Variants in ASPM observed in about 807,000 individuals in gnomAD.
The protein encoded by ASPM is assembly factor for spindle microtubules, also known as abnormal spindle-like microcephaly-associated protein.
A neutral mutation model predicts 366.4 loss-of-function variants in ASPM; 256 were observed. That is an observed-to-expected ratio of 0.70 (90% CI 0.63 to 0.77). ASPM has a LOEUF of 0.77. Ranked by LOEUF, ASPM falls within the 30% of genes least tolerant of loss-of-function variation. The probability of loss-of-function intolerance (pLI) is 0.00; values close to 1 mark genes in which losing one functional copy is unlikely to be tolerated. For synonymous variants in ASPM, 1,414 were observed against 1,342.9 expected, an observed-to-expected ratio of 1.05 and a Z score of -1.16; for missense variants, 4,146 against 4,090.4, an observed-to-expected ratio of 1.01 and a Z score of -0.37.
At chr1:197,125,300 T>C in intron 10 of ASPM, 109 bp from the exon 11 acceptor site, 1 of 1,344,378 alleles carries the variant, frequency 7.4e-7, no homozygotes, top group South Asian at 1.2e-5. Flanking sequence ...TACAGGGCTT[T>C]ATGATCAGAA....
rs148964635 is a variant in ASPM, at chr1:197,117,894, G to A, written c.3960C>T (p.Leu1320=). The change falls in exon 17 of 28, where the codon CTC becomes CTT. Residue 1320 remains leucine, a synonymous_variant. Transcript: ENST00000367409. ...CTCTTCGCCAATATTTCTGAATGAC[G>A]AGTGCTGCATTAACTCTTTTTCTCA... The part of the protein sequence containing the change: ...QRLRKRVNAA[L]VIQKYWRRVL... 1.2e-4 allele frequency: 186 copies of A among 1,613,060 alleles called. 2 individuals carry two copies. The Middle Eastern group carries it at 4.0e-3, about 34-fold the overall frequency.
chr1:197,146,157 C>CG lies in ASPM; in HGVS notation c.280dup (p.Arg94ProfsTer8). On this transcript the variant is annotated frameshift_variant, in exon 1 of 28. Transcript: ENST00000367409. LOFTEE classifies it high-confidence loss of function. The stretch of plus-strand genomic sequence containing the variant: ...GAGACCTACCTGCAACACGAAACAG[C>CG]GCTGCGACACACTGAAGCCCAGGTC... The CG allele has an allele frequency of 6.2e-7, 1 of 1,614,066 alleles. No individual in the cohort carries two copies.
intron 3 of ASPM, among the ~76,000 whole-genome samples, chr1:197,140,776 T>C (rs1029711374): frequency 1.7e-4 from 26 of 152,184 alleles, no homozygotes; most frequent in African/African-American, 5.5e-4. Flanking sequence ...AAGCAGTTAT[T>C]ACAATGACCC....
chr1:197,092,329 T>A (rs534942755), intron 21 of ASPM, among the ~76,000 whole-genome samples: 1 of 151,838 alleles, frequency 6.6e-6, no homozygotes, highest in South Asian at 2.1e-4. Flanking sequence ...TCAACTAGAC[T>A]GCCCTATTAG....
At position 197,126,887 on chromosome 1, in the gene ASPM, C is replaced by A. The variant is rs536434291; in HGVS notation, c.2936+1603G>T. Among the ~76,000 whole-genome samples, 3 of 152,286 alleles carry A rather than the reference C, an allele frequency of 2.0e-5. No homozygotes were observed. In the South Asian group the frequency reaches 6.2e-4, roughly 32 times the overall value. ...AGCGGTCCTCTGACCTCTGCTTGAA[C>A]CTTCCAACACTGTGAACTGGTTGTT... On this transcript the variant is annotated intron_variant, in intron 10 of 27. Coordinates refer to ENST00000367409, the MANE Select transcript of ASPM (RefSeq NM_018136.5).
Position 197,123,421 on chromosome 1 carries a change from A to G in ASPM, c.3390+689T>C, listed in dbSNP as rs147455866. On this transcript the variant is annotated intron_variant, in intron 13 of 27. Coordinates refer to ENST00000367409, the MANE Select transcript of ASPM (RefSeq NM_018136.5). ...CTACTAATTTTGGCATTAAAAAGAA[A>G]TTTTAGCTAGTATGCAAATTCCAAA... is the stretch of plus-strand genomic sequence containing the variant. 5.9e-3 allele frequency among the ~76,000 whole-genome samples: 897 copies of G among 152,254 alleles called. 11 individuals carry two copies. Among genetic ancestry groups the G allele is most frequent in the African/African-American group, 0.021 (861 of 41,554 alleles).
At chr1:197,092,277 A>T (rs1656810605) in intron 21 of ASPM, among the ~76,000 whole-genome samples, 1 of 151,840 alleles carries the variant, frequency 6.6e-6, no homozygotes, top group South Asian at 2.1e-4. Flanking sequence ...AGAAAGCAAA[A>T]TTATATTTTG....
chr1:197,092,597 A>G (rs918301937), intron 21 of ASPM, among the ~76,000 whole-genome samples: 1 of 151,964 alleles, frequency 6.6e-6, no homozygotes, highest in Non-Finnish European at 1.5e-5. Flanking sequence ...TGTCTATGCC[A>G]GTACTTCACA....
At position 197,146,512 on chromosome 1, in the gene ASPM, T is replaced by TA. The variant is rs1658792594; in HGVS notation, c.-76dup. 8.5e-6 allele frequency: 13 copies of TA among 1,536,030 alleles called. No homozygotes were observed. Among genetic ancestry groups the TA allele is most frequent in the Non-Finnish European group, 1.2e-5 (13 of 1,130,118 alleles). On this transcript the variant is annotated 5_prime_UTR_variant, in exon 1 of 28. Coordinates refer to ENST00000367409, the MANE Select transcript of ASPM (RefSeq NM_018136.5). ...GGCTCCGGAGCGGGGATCCGGGACT[T>TA]ACGCTGACCGCTTCCCCTCAGGGGC...
intron 17 of ASPM, among the ~76,000 whole-genome samples, chr1:197,105,678 TA>T (rs36093454): frequency 0.011 from 1,621 of 152,108 alleles, 9 homozygotes; most frequent in Non-Finnish European, 0.017. Flanking sequence ...TAGGAATAAA[TA>T]AACCAGATCA....
rs761980255 is a variant in ASPM at position 197,132,278 on chromosome 1, T to A, written c.2487+7A>T. On this transcript the variant is annotated splice_region_variant and intron_variant, in intron 7 of 27. Transcript: ENST00000367409. The stretch of plus-strand genomic sequence containing the variant: ...TATTATTTTAGAAACCTGAAATATA[T>A]GCTTACCTCTAGACCAATTCGAAGC... 1.3e-6 allele frequency: 2 copies of A among 1,598,672 alleles called. No individual in the cohort carries two copies. The highest frequency in any genetic ancestry group is 1.7e-6 in the Non-Finnish European group (2 of 1,170,950).
chr1:197,100,385 A>C (rs1657112735), intron 18 of ASPM, 46 bp downstream of exon 18: 1 of 1,266,834 alleles, frequency 7.9e-7, no homozygotes, highest in South Asian at 1.6e-5. Context: ...AATATTGGTC[A>C]AAAGAAAGAC....
chr1:197,097,250 A>G (rs1656999865), intron 18 of ASPM, among the ~76,000 whole-genome samples: 1 of 151,760 alleles, frequency 6.6e-6, no homozygotes, highest in African/African-American at 2.4e-5. Flanking sequence ...TTGTTCCTTA[A>G]AAAGTAAGAA....
intron 17 of ASPM, among the ~76,000 whole-genome samples, chr1:197,110,704 T>C (rs897023144): frequency 1.3e-5 from 2 of 151,614 alleles, no homozygotes; most frequent in Admixed American, 6.6e-5. Context: ...AATGGACCAA[T>C]TGAATAGAAA....
In ASPM at chr1:197,090,104, C is replaced by T. The variant is rs749573245; in HGVS notation, c.9830-20G>A. ...CTACCTCTGAAAGAAAAAAAAAACACACACACACAGGTAAATTTACAGCAA... is the reference window on the plus strand; with the variant it reads ...CTACCTCTGAAAGAAAAAAAAAACATACACACACAGGTAAATTTACAGCAA... On this transcript the variant is annotated intron_variant, in intron 24 of 27. Transcript: ENST00000367409. 1 of 1,612,130 alleles carries T rather than the reference C, an allele frequency of 6.2e-7. No homozygotes were observed. The highest frequency in any genetic ancestry group is 1.1e-5 in the South Asian group (1 of 90,926).
chr1:197,138,042 T>C (rs1034246691), intron 4 of ASPM, among the ~76,000 whole-genome samples: 1 of 152,198 alleles, frequency 6.6e-6, no homozygotes, highest in African/African-American at 2.4e-5. Context: ...TTGTATAACA[T>C]AATATTTTAT....
In ASPM at chr1:197,146,472, C is replaced by T. The variant is rs576215916; in HGVS notation, c.-35G>A. On this transcript the variant is annotated 5_prime_UTR_variant, in exon 1 of 28. Coordinates refer to ENST00000367409, the MANE Select transcript of ASPM (RefSeq NM_018136.5). ...GAGACCCCTCCTGGATCTCCTTGCC[C>T]CGCTCCCACGAGGCGGCTCCGGAGC... The T allele has an allele frequency of 5.6e-6, 9 of 1,598,484 alleles. No individual in the cohort carries two copies. In the African/African-American group the frequency reaches 9.4e-5, roughly 17 times the overall value.
In ASPM at chr1:197,129,211, G is replaced by C. The variant is rs774638273; in HGVS notation, c.2736C>G (p.Leu912=). The change falls in exon 9 of 28, where the codon CTC becomes CTG. Residue 912 remains leucine (L), a synonymous_variant. Transcript: ENST00000367409. The part of the protein sequence containing the change: ...ISRLIDHDPC[L]FCKDAEFKAS... ...CCTTGAATTCGGCATCTTTACAGAA[G>C]AGACAAGGATCATGATCAATGAGTC... The C allele has an allele frequency of 1.2e-6, 2 of 1,612,378 alleles. No individual in the cohort carries two copies. Among genetic ancestry groups the C allele is most frequent in the African/African-American group, 2.7e-5 (2 of 74,868 alleles).
rs763090166 is a variant in ASPM, at chr1:197,102,769, T to A, written c.6482A>T (p.Glu2161Val). 6.2e-7 allele frequency: 1 copy of A among 1,612,488 alleles called. No individual in the cohort carries two copies. Among genetic ancestry groups the A allele is most frequent in the East Asian group, 2.2e-5 (1 of 44,830 alleles). ...RAYYQGKMQREKYLTILKAVK... is the reference protein window; with the variant it reads ...RAYYQGKMQRVKYLTILKAVK... Reference sequence around the variant, plus strand: ...AGCTTTCAAAATTGTCAGGTACTTTTCACGCTGCATTTTACCTTGATAATA... The same window carrying A: ...AGCTTTCAAAATTGTCAGGTACTTTACACGCTGCATTTTACCTTGATAATA... Residue 2161 changes from glutamate to valine, a missense_variant, in exon 18 of 28, where the codon GAA becomes GTA. Transcript: ENST00000367409.
Sources: gnomAD v4.1 joint callset for allele counts (sites outside exome capture counted in the v4.1 genomes callset) on GRCh38, gnomAD v4.1.1 for gene constraint, MANE v1.5 for transcripts, NCBI Gene and HGNC (gene_info 2026-07-23, HGNC 2026-07-21) for gene names.